Variants in SLC24A3 observed in about 807,000 individuals in gnomAD.
SLC24A3 encodes solute carrier family 24 member 3.
In SLC24A3, 28 loss-of-function variants were observed where a neutral mutation model predicts 75.8. The observed-to-expected ratio is 0.37, with a 90% CI of 0.27 to 0.51. The LOEUF (loss-of-function observed/expected upper bound fraction) is 0.51, where lower values mean the gene tolerates loss of function less well. SLC24A3 is among the 20% of genes least tolerant of loss of function. The pLI is 0.94. For missense variants in SLC24A3, 663 were observed against 847.8 expected (o/e 0.78, Z 2.71); for synonymous variants, 372 against 334.1 (o/e 1.11, Z -1.24).
At chr20:19,408,401 T>G (rs1230855319) in intron 2 of SLC24A3, among the ~76,000 whole-genome samples, 1 of 151,444 alleles carries the variant, frequency 6.6e-6, no homozygotes, top group Non-Finnish European at 1.5e-5. Flanking sequence ...TTTTTTTTTT[T>G]TTTTTTGAGA....
chr20:19,453,041 C>T (rs376443459), intron 2 of SLC24A3, among the ~76,000 whole-genome samples: 22 of 152,042 alleles, frequency 1.4e-4, no homozygotes, highest in South Asian at 4.2e-4. Flanking sequence ...AATTTGCCTG[C>T]GTGGTGGCGG....
intron 2 of SLC24A3, among the ~76,000 whole-genome samples, chr20:19,307,681 G>A (rs1984363780): frequency 6.6e-6 from 1 of 152,138 alleles, no homozygotes; most frequent in South Asian, 2.1e-4. Context: ...ATGATGGGTT[G>A]ATGGGTGCAG....
chr20:19,705,229 G>A (rs1464336962), intron 15 of SLC24A3, among the ~76,000 whole-genome samples: 2 of 152,152 alleles, frequency 1.3e-5, no homozygotes, highest in African/African-American at 2.4e-5. Flanking sequence ...GGCATAATGG[G>A]GGCTGCACTC....
intron 2 of SLC24A3, among the ~76,000 whole-genome samples, chr20:19,352,241 G>A (rs1377097179): frequency 6.6e-6 from 1 of 152,166 alleles, no homozygotes; most frequent in Admixed American, 6.5e-5. Context: ...AGCCCCCAGG[G>A]CAGAGTGGGG....
At chr20:19,317,901 C>T (rs889616021) in intron 2 of SLC24A3, among the ~76,000 whole-genome samples, 2 of 152,240 alleles carry the variant, frequency 1.3e-5, no homozygotes, top group African/African-American at 4.8e-5. Flanking sequence ...TGTGCCTGCC[C>T]ATGGTTCCTT....
rs1051307405 is a variant in SLC24A3, at chr20:19,264,590, A to G, written c.143-16369A>G. Among the ~76,000 whole-genome samples, 5 of 152,156 alleles carry G rather than the reference A, an allele frequency of 3.3e-5. No homozygotes were observed. The East Asian group carries it at 5.8e-4, about 18-fold the overall frequency. On this transcript the variant is annotated intron_variant, in intron 1 of 16. Transcript: ENST00000328041. ...AATAAAAAAAAAAAATTAGCTGGGC[A>G]TGGTGGCATGCACCTGTAGTCCCAG...
intron 3 of SLC24A3, among the ~76,000 whole-genome samples, chr20:19,522,094 A>T (rs4814867): frequency 0.15 from 22,236 of 152,224 alleles, 1,817 homozygotes; most frequent in South Asian, 0.2. Context: ...GAGCACTTGA[A>T]ATGTGGCTAG....
intron 1 of SLC24A3, among the ~76,000 whole-genome samples, chr20:19,235,055 A>G (rs1026191949): frequency 2.6e-5 from 4 of 152,204 alleles, no homozygotes; most frequent in Non-Finnish European, 5.9e-5. Flanking sequence ...GCTATTTTCT[A>G]CCCAAGGATA....
At chr20:19,528,529 G>A (rs765805209) in intron 3 of SLC24A3, among the ~76,000 whole-genome samples, 9 of 152,118 alleles carry the variant, frequency 5.9e-5, no homozygotes, top group Non-Finnish European at 1.2e-4. Flanking sequence ...AGGTCTACAC[G>A]TGGCCCTCAC....
chr20:19,338,475 A>G (rs1389450101), intron 2 of SLC24A3, among the ~76,000 whole-genome samples: 2 of 152,182 alleles, frequency 1.3e-5, no homozygotes, highest in Admixed American at 1.3e-4. Flanking sequence ...GCAGATTGCC[A>G]CTGAGACCAC....
rs142953709 is a variant in SLC24A3, at chr20:19,633,971, A to G, written c.613-20091A>G. 3.5e-3 allele frequency among the ~76,000 whole-genome samples: 527 copies of G among 152,312 alleles called. 1 individual carries two copies. The highest frequency in any genetic ancestry group is 0.012 in the African/African-American group (495 of 41,574). ...TACTGTTTGTAAAGGAAGTTGTCCA[A>G]CACTCCCTCCCACCTCTTTCTATAT... On this transcript the variant is annotated intron_variant, in intron 6 of 16. Coordinates refer to ENST00000328041, the MANE Select transcript of SLC24A3 (RefSeq NM_020689.4).
chr20:19,260,120 T>C (rs1982935808), intron 1 of SLC24A3, among the ~76,000 whole-genome samples: 1 of 152,230 alleles, frequency 6.6e-6, no homozygotes, highest in African/African-American at 2.4e-5. Context: ...TCATCATTGT[T>C]ATTTTTTCTT....
chr20:19,585,403 G>T (rs2031280463), intron 5 of SLC24A3, 38 bp from the exon 6 acceptor site: 2 of 1,591,490 alleles, frequency 1.3e-6, no homozygotes, highest in Non-Finnish European at 1.7e-6. Context: ...ATGCAACAGG[G>T]CCACAACAGC....
chr20:19,623,118 T>A (rs763377022), intron 6 of SLC24A3, among the ~76,000 whole-genome samples: 1 of 152,168 alleles, frequency 6.6e-6, no homozygotes, highest in Non-Finnish European at 1.5e-5. Flanking sequence ...AAGTTCTAAC[T>A]GTTTTTTGTT....
At chr20:19,523,694 T>C (rs2030144946) in intron 3 of SLC24A3, among the ~76,000 whole-genome samples, 1 of 152,214 alleles carries the variant, frequency 6.6e-6, no homozygotes, top group South Asian at 2.1e-4. Flanking sequence ...CTTGTAGCCA[T>C]GGGAAAGCTG....
chr20:19,376,628 CTT>C (rs11087280), intron 2 of SLC24A3, among the ~76,000 whole-genome samples: 29 of 144,714 alleles, frequency 2.0e-4, no homozygotes, highest in Non-Finnish European at 2.9e-4. Flanking sequence ...GTCATTGCCA[CTT>C]TTTTTTTTTT....
chr20:19,683,748 C>A (rs144122947), intron 10 of SLC24A3, among the ~76,000 whole-genome samples: 4 of 152,308 alleles, frequency 2.6e-5, no homozygotes, highest in South Asian at 2.1e-4. Context: ...AGGAGGAATT[C>A]TCTTATGGTA....
intron 3 of SLC24A3, among the ~76,000 whole-genome samples, chr20:19,579,363 G>T (rs1008989620): frequency 2.6e-5 from 4 of 152,198 alleles, no homozygotes; most frequent in African/African-American, 9.7e-5. Context: ...AAGCAAGTTT[G>T]CAAAGCTTTC....
chr20:19,519,003 G>T (rs1477063411), intron 3 of SLC24A3, among the ~76,000 whole-genome samples: 1 of 152,140 alleles, frequency 6.6e-6, no homozygotes, highest in Non-Finnish European at 1.5e-5. Context: ...CTGCTGGAGG[G>T]TCCCAGAGGG....
Sources: gnomAD v4.1 joint callset for allele counts (sites outside exome capture counted in the v4.1 genomes callset) on GRCh38, gnomAD v4.1.1 for gene constraint, MANE v1.5 for transcripts, NCBI Gene and HGNC (gene_info 2026-07-23, HGNC 2026-07-21) for gene names.